Variants in DOCK5 observed in about 807,000 individuals in gnomAD.
DOCK5 encodes dedicator of cytokinesis 5.
DOCK5 carries 142 observed loss-of-function variants against 251.8 expected under a neutral mutation model. The observed-to-expected ratio is 0.56, with a 90% confidence interval of 0.49 to 0.65. DOCK5 has a LOEUF of 0.65. DOCK5 is among the 30% of genes least tolerant of loss of function. The pLI is 0.00. For synonymous variants in DOCK5, 842 were observed against 835.5 expected, an observed-to-expected ratio of 1.01 and a Z score of -0.13; for missense variants, 2,111 against 2,312.3, an observed-to-expected ratio of 0.91 and a Z score of 1.79.
intron 40 of DOCK5, among the ~76,000 whole-genome samples, chr8:25,384,431 T>TA (rs1554504631): frequency 7.5e-6 from 1 of 132,744 alleles, no homozygotes; most frequent in Non-Finnish European, 1.6e-5. Flanking sequence ...AATATTATTA[T>TA]TTTATTTATT....
intron 37 of DOCK5, chr8:25,375,537 C>A: frequency 3.9e-6 from 1 of 259,022 alleles, no homozygotes; most frequent in Non-Finnish European, 6.0e-6. Context: ...ACCATGCTAG[C>A]CAATCCACTT....
At chr8:25,381,390 C>T (rs2117302508) in intron 39 of DOCK5, among the ~76,000 whole-genome samples, 1 of 152,156 alleles carries the variant, frequency 6.6e-6, no homozygotes, top group East Asian at 1.9e-4. Flanking sequence ...TTTGGGAGGC[C>T]AAGGCAGATG....
chr8:25,384,466 T>TATGTATTTATTTA (rs111515435), intron 40 of DOCK5, among the ~76,000 whole-genome samples: 1 of 129,990 alleles, frequency 7.7e-6, no homozygotes, highest in South Asian at 2.5e-4. Flanking sequence ...TTTATTTATT[T>TATGTATTTATTTA]TTTTTTTTTT....
In DOCK5 at chr8:25,410,079, G is replaced by C; in HGVS notation, c.5405-20G>C. The C allele has an allele frequency of 6.2e-7, 1 of 1,602,540 alleles. No homozygotes were observed. The highest frequency in any genetic ancestry group is 2.2e-5 in the East Asian group (1 of 44,514). ...TGCTCAGTGCCTCTCTCTGCCGCCT[G>C]CACTTTCTGTCATTTCTAGGCTCCC... is the stretch of plus-strand genomic sequence containing the variant. On this transcript the variant is annotated intron_variant, in intron 50 of 51. Transcript: ENST00000276440.
rs578195631 is a variant in DOCK5 at position 25,411,311 on chromosome 8, C to A, written c.*13C>A. 2 of 1,462,790 alleles carry A rather than the reference C, an allele frequency of 1.4e-6. No homozygotes were observed. The highest frequency in any genetic ancestry group is 2.8e-5 in the Admixed American group (1 of 35,206). 90.6% of individuals were successfully genotyped at this position (1,462,790 alleles called of 1,614,324 possible). ...TGGATCCCAGTAAGGATCTTGCCCTCCCTGCAACACCGAGTGCCTTAGACA... is the reference window on the plus strand; with the variant it reads ...TGGATCCCAGTAAGGATCTTGCCCTACCTGCAACACCGAGTGCCTTAGACA... On this transcript the variant is annotated 3_prime_UTR_variant, in exon 52 of 52. Coordinates refer to ENST00000276440, the MANE Select transcript of DOCK5 (RefSeq NM_024940.8).
intron 37 of DOCK5, 121 bp from the exon 38 acceptor site, chr8:25,377,184 G>A: frequency 7.5e-7 from 1 of 1,338,942 alleles, no homozygotes; most frequent in Non-Finnish European, 9.8e-7. Context: ...TGTAACTTTT[G>A]TGTTTAATAC....
intron 2 of DOCK5, among the ~76,000 whole-genome samples, chr8:25,267,045 G>A (rs73558502): frequency 2.6e-5 from 4 of 152,024 alleles, no homozygotes; most frequent in Non-Finnish European, 5.9e-5. Context: ...CAGCCTGCCC[G>A]CCTCCCACTC....
chr8:25,205,360 G>A (rs556107502), intron 1 of DOCK5, among the ~76,000 whole-genome samples: 8 of 152,124 alleles, frequency 5.3e-5, no homozygotes, highest in Non-Finnish European at 8.8e-5. Context: ...AGCCCTCACC[G>A]GAAACTGACC....
At chr8:25,377,073 G>A (rs777118975) in intron 37 of DOCK5, among the ~76,000 whole-genome samples, 14 of 152,116 alleles carry the variant, frequency 9.2e-5, no homozygotes, top group Admixed American at 4.6e-4. Context: ...GTCAGTTAGC[G>A]ACCTTGCTTT....
At chr8:25,185,015 TG>T in intron 1 of DOCK5, 64 bp downstream of exon 1, 2 of 1,285,702 alleles carry the variant, frequency 1.6e-6, no homozygotes, top group Non-Finnish European at 2.0e-6. Flanking sequence ...ACAGCGGCCC[TG>T]CCAGGTTTGC....
chr8:25,214,526 C>T (rs1459627318), intron 1 of DOCK5, among the ~76,000 whole-genome samples: 1 of 152,164 alleles, frequency 6.6e-6, no homozygotes, highest in African/African-American at 2.4e-5. Context: ...ACCTCTTCAA[C>T]ATCCAGGCGG....
At chr8:25,230,002 T>G (rs776302592) in intron 1 of DOCK5, among the ~76,000 whole-genome samples, 2 of 152,192 alleles carry the variant, frequency 1.3e-5, no homozygotes, top group Non-Finnish European at 2.9e-5. Flanking sequence ...TTCTCGTAAG[T>G]GAAAACTGCA....
chr8:25,342,599 C>A, intron 25 of DOCK5, 92 bp downstream of exon 25: 1 of 893,588 alleles, frequency 1.1e-6, no homozygotes, highest in Non-Finnish European at 1.7e-6. Flanking sequence ...AAGACTCCAT[C>A]TCAAAAAGCT....
intron 1 of DOCK5, among the ~76,000 whole-genome samples, chr8:25,225,381 C>T (rs1802502103): frequency 6.6e-6 from 1 of 152,156 alleles, no homozygotes; most frequent in Non-Finnish European, 1.5e-5. Flanking sequence ...AAAATGTGGT[C>T]TGACCATACA....
chr8:25,277,714 G>C (rs1804082187), intron 4 of DOCK5, among the ~76,000 whole-genome samples: 1 of 152,030 alleles, frequency 6.6e-6, no homozygotes, highest in Non-Finnish European at 1.5e-5. Flanking sequence ...CACCAATTAG[G>C]GTTATACAGG....
intron 5 of DOCK5, among the ~76,000 whole-genome samples, chr8:25,281,510 T>C (rs1804192897): frequency 1.3e-5 from 2 of 149,014 alleles, no homozygotes; most frequent in African/African-American, 4.9e-5. Context: ...AATCTCTTAG[T>C]AGTTAAAGGT....
At chr8:25,306,342 A>G (rs996927831) in intron 11 of DOCK5, among the ~76,000 whole-genome samples, 2 of 152,236 alleles carry the variant, frequency 1.3e-5, no homozygotes, top group Non-Finnish European at 2.9e-5. Context: ...AATATAAAAC[A>G]CTGCATGCAC....
In DOCK5 at chr8:25,243,694, T is replaced by A. The variant is rs768913050; in HGVS notation, c.64T>A (p.Ser22Thr). 1 of 1,613,606 alleles carries A rather than the reference T, an allele frequency of 6.2e-7. No homozygotes were observed. The highest frequency in any genetic ancestry group is 1.1e-5 in the South Asian group (1 of 91,040). The change falls in exon 2 of 52, where the codon TCT (serine) becomes ACT (threonine). Residue 22 changes from serine to threonine, a missense_variant. Physicochemically the swap from Ser to Thr is moderately conservative, Grantham distance 58. Around this residue, in one of 3 missense-constraint regions of DOCK5, gnomAD observed 335 missense variants for 324.9 expected, o/e 1.03. Transcript: ENST00000276440. ...TCCAGCGATCTATAACTACAATGCTTCTCAAGATGTGGAGCTCTCCTTGCA... is the reference window on the plus strand; with the variant it reads ...TCCAGCGATCTATAACTACAATGCTACTCAAGATGTGGAGCTCTCCTTGCA... Reference protein sequence around the residue: ...YGVAIYNYNASQDVELSLQIG... With the variant: ...YGVAIYNYNATQDVELSLQIG...
At chr8:25,199,376 TG>T in intron 1 of DOCK5, among the ~76,000 whole-genome samples, 1 of 121,526 alleles carries the variant, frequency 8.2e-6, no homozygotes, top group Non-Finnish European at 1.6e-5. Flanking sequence ...ATTTCCGCTC[TG>T]TTCTTTTTTT....
Sources: gnomAD v4.1 joint callset for allele counts (sites outside exome capture counted in the v4.1 genomes callset) on GRCh38, gnomAD v4.1.1 for gene constraint, gnomAD v4.1.1 regional missense constraint, MANE v1.5 for transcripts, NCBI Gene and HGNC (gene_info 2026-07-23, HGNC 2026-07-21) for gene names.